Variants in PLXNA2 observed in about 807,000 individuals in gnomAD.
PLXNA2 encodes plexin A2.
Under a neutral mutation model 193.5 loss-of-function variants are expected in PLXNA2, and 91 were observed. The ratio of observed to expected loss-of-function variants is 0.47; its 90% CI spans 0.40 to 0.56. The LOEUF (loss-of-function observed/expected upper bound fraction) is 0.56, where lower values mean the gene tolerates loss of function less well. Among genes scored for constraint, PLXNA2 ranks in the 20% least tolerant of loss-of-function variants. PLXNA2 has a pLI of 0.00. For missense variants in PLXNA2, 1,995 were observed against 2,503.2 expected, an observed-to-expected ratio of 0.80 and a Z score of 4.33; for synonymous variants, 997 against 1,027.3, an observed-to-expected ratio of 0.97 and a Z score of 0.56.
chr1:208,183,816 G>C (rs926295420), intron 3 of PLXNA2, among the ~76,000 whole-genome samples: 3 of 152,188 alleles, frequency 2.0e-5, no homozygotes, highest in African/African-American at 7.2e-5. Flanking sequence ...CTGAGAGTTG[G>C]AGACTTTTCC....
chr1:208,124,236 G>A (rs893976972), intron 4 of PLXNA2, among the ~76,000 whole-genome samples: 18 of 152,112 alleles, frequency 1.2e-4, no homozygotes, highest in African/African-American at 4.1e-4. Context: ...GGGAGGGAAG[G>A]GGGAGAGGAG....
intron 3 of PLXNA2, among the ~76,000 whole-genome samples, chr1:208,190,895 G>C (rs1670157661): frequency 6.6e-6 from 1 of 152,174 alleles, no homozygotes; most frequent in Admixed American, 6.5e-5. Flanking sequence ...TCGAACCTTT[G>C]GTGGCAGGAG....
chr1:208,238,654 A>G (rs912143389), intron 1 of PLXNA2, among the ~76,000 whole-genome samples: 1 of 152,256 alleles, frequency 6.6e-6, no homozygotes, highest in African/African-American at 2.4e-5. Context: ...TCAGAGAAAG[A>G]TTCCCACAGA....
intron 4 of PLXNA2, among the ~76,000 whole-genome samples, chr1:208,110,175 C>A (rs1294031419): frequency 6.6e-6 from 1 of 152,198 alleles, no homozygotes; most frequent in East Asian, 1.9e-4. Context: ...CAAGGTAGAC[C>A]CTCTGGGGAA....
In PLXNA2 at chr1:208,244,299, CGCGGTGGCGGCGGCGGCG is replaced by C; in HGVS notation, c.-755_-738del. The C allele has an allele frequency of 1.7e-5, 2 of 119,110 alleles. No homozygotes were observed. Among genetic ancestry groups the C allele is most frequent in the Admixed American group, 1.6e-4 (1 of 6,150 alleles). 7.4% of individuals were successfully genotyped at this position (119,110 alleles called of 1,614,324 possible). A position where few individuals can be genotyped will look rare whatever the true frequency, so the allele number is the denominator to read the frequency against. The stretch of plus-strand genomic sequence containing the variant: ...CGCTCCTCCCGGCAGCTCTGGCTCC[CGCGGTGGCGGCGGCGGCG>C]GCGGCGGCGGCGGCGGCGGAGGAGC... On this transcript the variant is annotated 5_prime_UTR_variant, in exon 1 of 32. Transcript: ENST00000367033.
At chr1:208,073,445 C>A (rs1253584419) in intron 12 of PLXNA2, among the ~76,000 whole-genome samples, 1 of 152,308 alleles carries the variant, frequency 6.6e-6, no homozygotes, top group East Asian at 1.9e-4. Context: ...GGCTGCATAA[C>A]CTAGCCTCCT....
chr1:208,145,674 T>C (rs374140013), intron 3 of PLXNA2, among the ~76,000 whole-genome samples: 1 of 151,966 alleles, frequency 6.6e-6, no homozygotes, highest in South Asian at 2.1e-4. Flanking sequence ...AGACAACTTA[T>C]CATCACATTG....
intron 13 of PLXNA2, among the ~76,000 whole-genome samples, chr1:208,057,123 C>G (rs575839959): frequency 6.6e-6 from 1 of 152,272 alleles, no homozygotes; most frequent in Non-Finnish European, 1.5e-5. Context: ...AATTCTAGCC[C>G]TTAATAATAA....
chr1:208,244,299 CGCGGTGGCG>C lies in PLXNA2; in HGVS notation c.-746_-738del. 8.4e-6 allele frequency: 1 copy of C among 119,114 alleles called. No individual in the cohort carries two copies. The highest frequency in any genetic ancestry group is 9.8e-5 in the South Asian group (1 of 10,218). 7.4% of individuals were successfully genotyped at this position (119,114 alleles called of 1,614,324 possible). A position where few individuals can be genotyped will look rare whatever the true frequency, so the allele number is the denominator to read the frequency against. On this transcript the variant is annotated 5_prime_UTR_variant, in exon 1 of 32. Transcript: ENST00000367033. ...CGCTCCTCCCGGCAGCTCTGGCTCC[CGCGGTGGCG>C]GCGGCGGCGGCGGCGGCGGCGGCGG... is the stretch of plus-strand genomic sequence containing the variant.
chr1:208,213,400 C>T (rs945894730), intron 2 of PLXNA2, among the ~76,000 whole-genome samples: 2 of 152,190 alleles, frequency 1.3e-5, no homozygotes, highest in African/African-American at 4.8e-5. Flanking sequence ...CCCGCTTTAT[C>T]ACTTATAGCT....
At chr1:208,223,753 G>C in intron 1 of PLXNA2, among the ~76,000 whole-genome samples, 1 of 152,148 alleles carries the variant, frequency 6.6e-6, no homozygotes, top group Non-Finnish European at 1.5e-5. Context: ...TCTTCCCAAA[G>C]AGTTAGAGCT....
chr1:208,047,142 G>C (rs1342135490), intron 17 of PLXNA2, among the ~76,000 whole-genome samples: 1 of 152,164 alleles, frequency 6.6e-6, no homozygotes, highest in East Asian at 1.9e-4. Context: ...TGTATTTTTA[G>C]TAGAGACAGG....
chr1:208,130,654 G>A (rs1431578057), intron 4 of PLXNA2, among the ~76,000 whole-genome samples: 2 of 152,136 alleles, frequency 1.3e-5, no homozygotes, highest in Non-Finnish European at 2.9e-5. Flanking sequence ...ACTCAGATGT[G>A]TGGTGAGTGA....
chr1:208,091,249 A>T (rs1049120383), intron 9 of PLXNA2, among the ~76,000 whole-genome samples: 1 of 152,234 alleles, frequency 6.6e-6, no homozygotes, highest in East Asian at 1.9e-4. Flanking sequence ...CTGACTGAAC[A>T]TAACACCTGT....
At chr1:208,186,549 G>A (rs929036453) in intron 3 of PLXNA2, among the ~76,000 whole-genome samples, 5 of 152,260 alleles carry the variant, frequency 3.3e-5, no homozygotes, top group African/African-American at 1.2e-4. Context: ...AGGTGTTGCT[G>A]GCAGCTGTTT....
In PLXNA2 at chr1:208,114,705, C is replaced by T. The variant is rs187603964; in HGVS notation, c.1507-11458G>A. ...GTCCTCTCTGACACATCAGACCCCC[C>T]GATAGTATTCTCTCTGACTTTTCTT... On this transcript the variant is annotated intron_variant, in intron 4 of 31. Coordinates refer to ENST00000367033, the MANE Select transcript of PLXNA2 (RefSeq NM_025179.4). 4.4e-3 allele frequency among the ~76,000 whole-genome samples: 665 copies of T among 152,358 alleles called. 5 individuals carry two copies. The highest frequency in any genetic ancestry group is 0.014 in the African/African-American group (562 of 41,582).
chr1:208,127,815 G>A (rs571817665), intron 4 of PLXNA2, among the ~76,000 whole-genome samples: 1 of 152,328 alleles, frequency 6.6e-6, no homozygotes, highest in East Asian at 1.9e-4. Context: ...AAAACGGGGT[G>A]AGAAGAAGAG....
At chr1:208,176,381 C>T (rs1225018547) in intron 3 of PLXNA2, among the ~76,000 whole-genome samples, 2 of 152,202 alleles carry the variant, frequency 1.3e-5, no homozygotes, top group Non-Finnish European at 2.9e-5. Context: ...CCATGGCCAA[C>T]TTAAGCATGG....
intron 26 of PLXNA2, among the ~76,000 whole-genome samples, chr1:208,037,226 C>T (rs1415748245): frequency 6.6e-6 from 1 of 152,196 alleles, no homozygotes; most frequent in Non-Finnish European, 1.5e-5. Flanking sequence ...GGCTTGAATA[C>T]AGCTTCTAAA....
Sources: allele counts gnomAD v4.1 joint callset (sites outside exome capture counted in the v4.1 genomes callset), GRCh38; gene constraint gnomAD v4.1.1; transcripts MANE v1.5; gene names NCBI Gene and HGNC (gene_info 2026-07-23, HGNC 2026-07-21).